RBFOX2: variants seen among roughly 807,000 people sequenced by gnomAD.
RBFOX2 encodes the protein RNA binding fox-1 homolog 2, also known as RNA binding protein fox-1 homolog 2.
A neutral mutation model predicts 49.1 loss-of-function variants in RBFOX2; 10 were observed. The ratio of observed to expected loss-of-function variants is 0.20; its 90% confidence interval spans 0.13 to 0.35. RBFOX2 has a LOEUF of 0.35. Ranked by LOEUF, RBFOX2 falls within the 10% of genes least tolerant of loss-of-function variation. The pLI, the probability that RBFOX2 is intolerant of heterozygous loss-of-function variation, is 1.00. For synonymous variants in RBFOX2, 183 were observed against 187.4 expected (o/e 0.98, Z 0.19); for missense variants, 323 against 486.9 (o/e 0.66, Z 3.17).
At chr22:35,926,305 C>A (rs548259121) in intron 1 of RBFOX2, among the ~76,000 whole-genome samples, 2 of 152,296 alleles carry the variant, frequency 1.3e-5, no homozygotes, top group South Asian at 2.1e-4. Context: ...TACTTAGCTG[C>A]CCTAACCAAG....
chr22:35,811,391 TAAGAA>T (rs1951837148), intron 1 of RBFOX2, among the ~76,000 whole-genome samples: 1 of 151,938 alleles, frequency 6.6e-6, no homozygotes, highest in Non-Finnish European at 1.5e-5. Flanking sequence ...GGTGTCCTTA[TAAGAA>T]AAGGGAATGT....
chr22:35,852,675 C>A (rs534950238), intron 1 of RBFOX2, among the ~76,000 whole-genome samples: 46 of 152,162 alleles, frequency 3.0e-4, no homozygotes, highest in African/African-American at 1.0e-3. Flanking sequence ...ATTAAATCTC[C>A]TAAGATTCTT....
chr22:35,774,093 T>G (rs900311165), intron 4 of RBFOX2, among the ~76,000 whole-genome samples: 4 of 152,124 alleles, frequency 2.6e-5, no homozygotes, highest in African/African-American at 4.8e-5. Flanking sequence ...GCATCATGTT[T>G]TCCTTTTCAA....
chr22:35,795,062 T>C (rs553710513), intron 2 of RBFOX2, among the ~76,000 whole-genome samples: 11 of 152,332 alleles, frequency 7.2e-5, no homozygotes, highest in African/African-American at 2.6e-4. Flanking sequence ...TGGTTTTCTG[T>C]GGCAACTCTC....
chr22:35,922,004 C>T (rs890940951), intron 1 of RBFOX2, among the ~76,000 whole-genome samples: 2 of 152,126 alleles, frequency 1.3e-5, no homozygotes, highest in African/African-American at 2.4e-5. Context: ...GCAAGGTTTC[C>T]AGTTAGAAAA....
Position 35,780,573 on chromosome 22 carries a change from G to T in RBFOX2, c.399+1027C>A, listed in dbSNP as rs368366141. ...AAACAGTTGAAAGAATACATCAGAG[G>T]TAGCAAACCAATCCTCTACAATGAT... On this transcript the variant is annotated intron_variant, in intron 3 of 11. Coordinates refer to ENST00000405409, the Ensembl canonical transcript of RBFOX2. Among the ~76,000 whole-genome samples the T allele has an allele frequency of 4.2e-4, 64 of 152,202 alleles. 1 individual carries two copies. The East Asian group carries it at 7.5e-3, about 18-fold the overall frequency.
At chr22:35,964,773 T>C (rs1181691116), upstream of RBFOX2, among the ~76,000 whole-genome samples, 2 of 152,190 alleles carry the variant, frequency 1.3e-5, no homozygotes, top group Non-Finnish European at 2.9e-5. Flanking sequence ...CTGCTACCCA[T>C]GTGAACCAGT....
At chr22:35,808,631 T>C (rs1951207799) in intron 2 of RBFOX2, among the ~76,000 whole-genome samples, 1 of 151,982 alleles carries the variant, frequency 6.6e-6, no homozygotes, top group South Asian at 2.1e-4. Flanking sequence ...GAGGATAGAG[T>C]GACAGGAGTT....
intron 1 of RBFOX2, among the ~76,000 whole-genome samples, chr22:35,825,089 A>T (rs962113953): frequency 7.9e-5 from 12 of 152,336 alleles, no homozygotes; most frequent in African/African-American, 2.9e-4. Flanking sequence ...GCATGGTGGC[A>T]TGTGCCTGTA....
intron 1 of RBFOX2, among the ~76,000 whole-genome samples, chr22:36,011,156 C>A (rs1432277007): frequency 6.6e-6 from 1 of 152,172 alleles, no homozygotes; most frequent in Non-Finnish European, 1.5e-5. Context: ...TAATTACTAA[C>A]TCAATGACAT....
intron 1 of RBFOX2, among the ~76,000 whole-genome samples, chr22:35,953,394 G>C (rs1413150714): frequency 1.3e-5 from 2 of 152,042 alleles, no homozygotes; most frequent in Non-Finnish European, 2.9e-5. Flanking sequence ...CTAAGTGAAA[G>C]AAGCCAGACA....
chr22:35,750,528 C>G, intron 9 of RBFOX2: 2 of 1,181,234 alleles, frequency 1.7e-6, no homozygotes, highest in Admixed American at 3.7e-5. Flanking sequence ...TGTAGGAGGG[C>G]ACACACGGAC....
chr22:35,780,530 G>A (rs13055121), intron 3 of RBFOX2, among the ~76,000 whole-genome samples: 11,581 of 152,086 alleles, frequency 0.076, 617 homozygotes, highest in Non-Finnish European at 0.12. Flanking sequence ...TTTTCATGAT[G>A]GTGATTCAGG....
chr22:36,000,746 G>T (rs143569900), intron 1 of RBFOX2, among the ~76,000 whole-genome samples: 1 of 151,824 alleles, frequency 6.6e-6, no homozygotes, highest in Non-Finnish European at 1.5e-5. Flanking sequence ...CTATCCTCTC[G>T]GGGCTCTTTT....
upstream of RBFOX2, among the ~76,000 whole-genome samples, chr22:35,966,147 G>T (rs2056546828): frequency 6.6e-6 from 1 of 152,152 alleles, no homozygotes; most frequent in African/African-American, 2.4e-5. Context: ...ATTCTTTTGT[G>T]TTGGCTTCTT....
intron 1 of RBFOX2, among the ~76,000 whole-genome samples, chr22:35,971,348 C>G (rs891844588): frequency 2.0e-5 from 3 of 152,138 alleles, no homozygotes; most frequent in Non-Finnish European, 2.9e-5. Context: ...ACCATTCAGA[C>G]AAGTGTGCAG....
chr22:35,918,036 AC>A (rs2050620250), intron 1 of RBFOX2, among the ~76,000 whole-genome samples: 1 of 152,156 alleles, frequency 6.6e-6, no homozygotes, highest in Admixed American at 6.5e-5. Context: ...CAAATGTAAA[AC>A]GGGGGTGATA....
chr22:35,848,747 C>T (rs2041525556), intron 1 of RBFOX2, among the ~76,000 whole-genome samples: 1 of 152,184 alleles, frequency 6.6e-6, no homozygotes, highest in Non-Finnish European at 1.5e-5. Context: ...CAAGTAGTAT[C>T]TTTAATTCAG....
intron 1 of RBFOX2, among the ~76,000 whole-genome samples, chr22:35,871,312 G>T (rs1377287560): frequency 6.6e-6 from 1 of 152,128 alleles, no homozygotes; most frequent in Non-Finnish European, 1.5e-5. Flanking sequence ...GTGAGAGAAG[G>T]GAATAGAGGA....
Sources: allele counts gnomAD v4.1 joint callset (sites outside exome capture counted in the v4.1 genomes callset), GRCh38; gene constraint gnomAD v4.1.1; transcripts MANE v1.5; gene names NCBI Gene and HGNC (gene_info 2026-07-23, HGNC 2026-07-21).